Variants in ZNF808 observed in about 807,000 individuals in gnomAD.
ZNF808 encodes the protein zinc finger protein 808.
ZNF808 carries 5 observed loss-of-function variants against 8.7 expected under a neutral mutation model. The observed-to-expected ratio is 0.58, with a 90% CI of 0.30 to 1.21. The LOEUF (loss-of-function observed/expected upper bound fraction) is 1.21. ZNF808 is among the 50% of genes most tolerant of loss of function. ZNF808 has a pLI of 0.07. For synonymous variants in ZNF808, 380 were observed against 366.0 expected, an observed-to-expected ratio of 1.04 and a Z score of -0.44; for missense variants, 1,103 against 1,098.4, an observed-to-expected ratio of 1.00 and a Z score of -0.06.
intron 1 of ZNF808, among the ~76,000 whole-genome samples, chr19:52,528,217 C>T (rs1019896830): frequency 2.6e-5 from 4 of 152,190 alleles, no homozygotes; most frequent in Non-Finnish European, 4.4e-5. Flanking sequence ...CAGGTCTCTC[C>T]TCCGCAGTCA....
chr19:52,540,789 A>C (rs2059662669), intron 2 of ZNF808, among the ~76,000 whole-genome samples: 1 of 152,090 alleles, frequency 6.6e-6, no homozygotes, highest in South Asian at 2.1e-4. Context: ...CCTCTTTTTC[A>C]GTGTTTTAAA....
downstream of ZNF808, among the ~76,000 whole-genome samples, chr19:52,560,306 A>T (rs1348842893): frequency 3.3e-5 from 5 of 151,718 alleles, no homozygotes; most frequent in Non-Finnish European, 7.4e-5. Context: ...TGCCTGGGTG[A>T]TAGAGTGACA....
chr19:52,560,355 TTATTAA>T (rs1433176493), downstream of ZNF808, among the ~76,000 whole-genome samples: 2 of 152,034 alleles, frequency 1.3e-5, no homozygotes, highest in Non-Finnish European at 2.9e-5. Flanking sequence ...AACGTCATAA[TTATTAA>T]TATTATTATT....
intron 4 of ZNF808, 49 bp downstream of exon 4, chr19:52,547,687 T>C: frequency 6.3e-7 from 1 of 1,596,188 alleles, no homozygotes; most frequent in Non-Finnish European, 8.5e-7. Flanking sequence ...CTGTCTATCT[T>C]GGCTCTTCCT....
chr19:52,558,209 C>T (rs182762456), downstream of ZNF808, among the ~76,000 whole-genome samples: 1,352 of 150,852 alleles, frequency 9.0e-3, 6 homozygotes, highest in Middle Eastern at 0.027. Flanking sequence ...CCTCAGCCTC[C>T]GGAGTAGCTG....
At chr19:52,562,067 T>C (rs547091326) in intron 3 of ZNF808, among the ~76,000 whole-genome samples, 18 of 152,280 alleles carry the variant, frequency 1.2e-4, no homozygotes, top group African/African-American at 4.1e-4. Flanking sequence ...GCCAGCACTT[T>C]GGGAGGCCAA....
At chr19:52,547,759 T>TC in intron 4 of ZNF808, 121 bp downstream of exon 4, 1 of 1,380,902 alleles carries the variant, frequency 7.2e-7, no homozygotes, top group Non-Finnish European at 9.7e-7. Flanking sequence ...TTTTTTTTTT[T>TC]GACATGGAGT....
intron 2 of ZNF808, 22 bp from the exon 3 acceptor site, chr19:52,543,244 T>C (rs748018078): frequency 4.4e-6 from 7 of 1,608,856 alleles, no homozygotes; most frequent in Admixed American, 1.7e-5. Flanking sequence ...TAACATGAAG[T>C]CTTATTTTTT....
downstream of ZNF808, among the ~76,000 whole-genome samples, chr19:52,566,544 G>T (rs1189834476): frequency 1.3e-5 from 2 of 152,102 alleles, no homozygotes; most frequent in Non-Finnish European, 2.9e-5. Flanking sequence ...GCAAATAATA[G>T]ATAATTACAT....
At chr19:52,546,179 A>G (rs2059717913) in intron 3 of ZNF808, among the ~76,000 whole-genome samples, 1 of 140,800 alleles carries the variant, frequency 7.1e-6, no homozygotes, top group Non-Finnish European at 1.5e-5. Context: ...TATTGCTGTC[A>G]TCATAACAGT....
Position 52,553,857 on chromosome 19 carries a change from C to T in ZNF808, c.941C>T (p.Pro314Leu). 6.2e-7 allele frequency: 1 copy of T among 1,614,094 alleles called. No homozygotes were observed. Among genetic ancestry groups the T allele is most frequent in the Non-Finnish European group, 8.5e-7 (1 of 1,180,022 alleles). ...CATAGACTTCATACTGGAGTAAAAC[C>T]TTACAAGTGTAATGAGTGTGGCAAG... ...CHHRLHTGVK[P>L]YKCNECGKVF... Residue 314 changes from proline to leucine, a missense_variant, in exon 5 of 5, where the codon CCT becomes CTT. Pro to Leu is a moderately conservative substitution (Grantham distance 98, BLOSUM62 -3). Coordinates refer to ENST00000359798, the MANE Select transcript of ZNF808 (RefSeq NM_001039886.4).
chr19:52,565,265 C>CAAAT (rs1423721141), downstream of ZNF808, among the ~76,000 whole-genome samples: 2 of 151,904 alleles, frequency 1.3e-5, no homozygotes, highest in Non-Finnish European at 2.9e-5. Context: ...GCAACAAGAG[C>CAAAT]AAAACTCCAT....
chr19:52,553,366 G>C lies in ZNF808; in HGVS notation c.450G>C (p.Lys150Asn). The C allele has an allele frequency of 3.1e-6, 5 of 1,614,162 alleles. No homozygotes were observed. The highest frequency in any genetic ancestry group is 4.2e-6 in the Non-Finnish European group (5 of 1,180,014). ...DQHDHRHAGNKPIKDQLGSSF... is the reference protein window; with the variant it reads ...DQHDHRHAGNNPIKDQLGSSF... Reference sequence around the variant, plus strand: ...ATGATCACAGGCATGCTGGAAACAAGCCTATTAAAGATCAGCTTGGATCAA... The same window carrying C: ...ATGATCACAGGCATGCTGGAAACAACCCTATTAAAGATCAGCTTGGATCAA... The change falls in exon 5 of 5, where the codon AAG becomes AAC. Residue 150 changes from lysine to asparagine, a missense_variant. By Grantham distance (94) the Lys-to-Asn change is moderately conservative (BLOSUM62 0). Coordinates refer to ENST00000359798, the MANE Select transcript of ZNF808 (RefSeq NM_001039886.4).
chr19:52,532,703 G>A (rs2123067917), intron 1 of ZNF808, among the ~76,000 whole-genome samples: 2 of 150,606 alleles, frequency 1.3e-5, no homozygotes, highest in Middle Eastern at 3.4e-3. Flanking sequence ...ATTGGAAATA[G>A]GCTTCCATAG....
At chr19:52,532,305 A>G (rs1474423145) in intron 1 of ZNF808, among the ~76,000 whole-genome samples, 1 of 151,740 alleles carries the variant, frequency 6.6e-6, no homozygotes, top group Non-Finnish European at 1.5e-5. Flanking sequence ...GGCTCATTGC[A>G]ATCTCTGCCT....
Position 52,545,828 on chromosome 19 carries a change from T to G in ZNF808, c.64-1684T>G, listed in dbSNP as rs182891492. Among the ~76,000 whole-genome samples, 74 of 152,122 alleles carry G rather than the reference T, an allele frequency of 4.9e-4. 1 individual carries two copies. The highest frequency in any genetic ancestry group is 3.4e-3 in the Middle Eastern group (1 of 294). On this transcript the variant is annotated intron_variant, in intron 3 of 4. Transcript: ENST00000359798. Reference sequence around the variant, plus strand: ...TTGGGAAGGATTATATGTATGCCTGTGTGTGTCCATTCAGCGACCTTGTAG... The same window carrying G: ...TTGGGAAGGATTATATGTATGCCTGGGTGTGTCCATTCAGCGACCTTGTAG...
At chr19:52,546,129 G>A (rs2059717478) in intron 3 of ZNF808, among the ~76,000 whole-genome samples, 2 of 151,738 alleles carry the variant, frequency 1.3e-5, no homozygotes, top group South Asian at 2.1e-4. Flanking sequence ...TTAGAACAGT[G>A]TATAGCACAT....
In ZNF808 at chr19:52,554,507, A is replaced by G. The variant is rs867250965; in HGVS notation, c.1591A>G (p.Arg531Gly). 6.2e-7 allele frequency: 1 copy of G among 1,614,216 alleles called. No individual in the cohort carries two copies. The highest frequency in any genetic ancestry group is 8.5e-7 in the Non-Finnish European group (1 of 1,180,026). ...CCGGGCATCCCTTGTATACCATCGT[A>G]GACTTCACACTCTAGAGAAATCTTA... ...RHRASLVYHR[R>G]LHTLEKSYKC... is the part of the protein sequence containing the mutation. Residue 531 changes from arginine (R) to glycine (G), a missense_variant, in exon 5 of 5, where the codon AGA becomes GGA. By Grantham distance (125) the Arg-to-Gly change is moderately radical. Transcript: ENST00000359798.
At position 52,555,243 on chromosome 19, in the gene ZNF808, C is replaced by A; in HGVS notation, c.2327C>A (p.Ser776Ter). ...NDCGNTFRHW[S>*]SLVYHRRLHT... ...TGTGGCAATACCTTCCGTCACTGGT[C>A]ATCCCTTGTATACCATCGTAGACTT... is the stretch of plus-strand genomic sequence containing the variant. The change falls in exon 5 of 5, where the codon TCA becomes TAA. Residue 776 changes from serine (S) to a stop codon, truncating the protein, a stop_gained. Coordinates refer to ENST00000359798, the MANE Select transcript of ZNF808 (RefSeq NM_001039886.4). LOFTEE classifies it low-confidence loss of function (END_TRUNC). The A allele has an allele frequency of 6.2e-7, 1 of 1,614,116 alleles. No individual in the cohort carries two copies. Among genetic ancestry groups the A allele is most frequent in the East Asian group, 2.2e-5 (1 of 44,874 alleles).
Sources: allele counts gnomAD v4.1 joint callset (sites outside exome capture counted in the v4.1 genomes callset), GRCh38; gene constraint gnomAD v4.1.1; transcripts MANE v1.5; gene names NCBI Gene and HGNC (gene_info 2026-07-23, HGNC 2026-07-21).